NDRG3: variants seen among roughly 807,000 people sequenced by gnomAD.
NDRG3 encodes NDRG family member 3.
Under a neutral mutation model 57.2 loss-of-function variants are expected in NDRG3, and 23 were observed. That is an observed-to-expected ratio of 0.40 (90% CI 0.29 to 0.57). The LOEUF (loss-of-function observed/expected upper bound fraction) is 0.57. Among genes scored for constraint, NDRG3 ranks in the 20% least tolerant of loss-of-function variants. The probability of loss-of-function intolerance (pLI) is 0.42; values close to 1 mark genes in which losing one functional copy is unlikely to be tolerated. For missense variants in NDRG3, 384 were observed against 457.3 expected, an observed-to-expected ratio of 0.84 and a Z score of 1.46; for synonymous variants, 132 against 162.6, an observed-to-expected ratio of 0.81 and a Z score of 1.43.
chr20:36,705,902 G>A (rs975892443), intron 3 of NDRG3, among the ~76,000 whole-genome samples: 2 of 151,948 alleles, frequency 1.3e-5, no homozygotes, highest in African/African-American at 2.4e-5. Context: ...GCACCATCAC[G>A]TCCAGCTAAT....
In NDRG3 at chr20:36,684,483, C is replaced by T. The variant is rs1981606923; in HGVS notation, c.321-8G>A. The T allele has an allele frequency of 6.2e-7, 1 of 1,611,768 alleles. No individual in the cohort carries two copies. Among genetic ancestry groups the T allele is most frequent in the Non-Finnish European group, 8.5e-7 (1 of 1,177,948 alleles). On this transcript the variant is annotated splice_polypyrimidine_tract_variant and splice_region_variant and intron_variant, in intron 5 of 15. Transcript: ENST00000349004. ...ATTGTGGGGTACTGATACCTGCAAT[C>T]CAGAAGGATATCTCCTGAATTAGAA...
chr20:36,703,772 G>A (rs1022415139), intron 3 of NDRG3, among the ~76,000 whole-genome samples: 14 of 152,058 alleles, frequency 9.2e-5, no homozygotes, highest in African/African-American at 3.4e-4. Flanking sequence ...TATCAGAACA[G>A]AACTAAAAGT....
chr20:36,685,129 C>T (rs1342800875), intron 5 of NDRG3, among the ~76,000 whole-genome samples: 1 of 152,026 alleles, frequency 6.6e-6, no homozygotes, highest in African/African-American at 2.4e-5. Context: ...AAACCTCCGG[C>T]AGTAAGAGTC....
At chr20:36,695,284 T>C (rs1309721089) in intron 3 of NDRG3, among the ~76,000 whole-genome samples, 1 of 152,198 alleles carries the variant, frequency 6.6e-6, no homozygotes, top group African/African-American at 2.4e-5. Context: ...AAATTGTTCG[T>C]AGAGCATGTG....
intron 1 of NDRG3, among the ~76,000 whole-genome samples, chr20:36,732,111 A>G (rs2148217639): frequency 6.6e-6 from 1 of 152,266 alleles, no homozygotes; most frequent in East Asian, 1.9e-4. Flanking sequence ...ACAGAGTGAG[A>G]CCCTGTCTCA....
intron 2 of NDRG3, among the ~76,000 whole-genome samples, chr20:36,711,641 T>A (rs1983886696): frequency 6.6e-6 from 1 of 152,150 alleles, no homozygotes; most frequent in Non-Finnish European, 1.5e-5. Context: ...AGAAAGCCAA[T>A]GCCCTCAAGA....
At chr20:36,714,859 T>C (rs1426990149) in intron 2 of NDRG3, among the ~76,000 whole-genome samples, 5 of 151,200 alleles carry the variant, frequency 3.3e-5, no homozygotes, top group African/African-American at 1.2e-4. Flanking sequence ...GTGATCCGCC[T>C]GCCTTGGCTT....
At chr20:36,678,895 G>A (rs922279675) in intron 8 of NDRG3, among the ~76,000 whole-genome samples, 6 of 152,152 alleles carry the variant, frequency 3.9e-5, no homozygotes, top group African/African-American at 7.2e-5. Context: ...AAACTTTCAC[G>A]CACTGCTGTT....
Position 36,682,586 on chromosome 20 carries a change from T to C in NDRG3, c.384-8A>G, listed in dbSNP as rs768661835. ...CCAATGATGCTTTTCAGGCTGTGAATGGGACATAACGACAACTGACAGAGT... is the reference window on the plus strand; with the variant it reads ...CCAATGATGCTTTTCAGGCTGTGAACGGGACATAACGACAACTGACAGAGT... On this transcript the variant is annotated splice_region_variant and splice_polypyrimidine_tract_variant and intron_variant, in intron 6 of 15. Transcript: ENST00000349004. The C allele has an allele frequency of 6.2e-7, 1 of 1,613,464 alleles. No individual in the cohort carries two copies. The highest frequency in any genetic ancestry group is 1.1e-5 in the South Asian group (1 of 91,024).
intron 3 of NDRG3, among the ~76,000 whole-genome samples, chr20:36,701,118 C>G (rs1433691008): frequency 6.6e-6 from 1 of 152,188 alleles, no homozygotes; most frequent in East Asian, 1.9e-4. Context: ...AGGCTATGCA[C>G]TTCTTGAACA....
At chr20:36,708,588 C>T (rs914332307) in intron 2 of NDRG3, among the ~76,000 whole-genome samples, 2 of 137,026 alleles carry the variant, frequency 1.5e-5, no homozygotes, top group Non-Finnish European at 3.0e-5. Context: ...GCAGAGGTTG[C>T]GGTGAGCCGA....
At chr20:36,681,006 TC>T in intron 7 of NDRG3, 104 bp from the exon 8 acceptor site, 1 of 854,530 alleles carries the variant, frequency 1.2e-6, no homozygotes, top group South Asian at 1.6e-5. Flanking sequence ...CCTTAATGCC[TC>T]ACATTTGAAA....
intron 1 of NDRG3, among the ~76,000 whole-genome samples, chr20:36,731,247 G>C (rs918745168): frequency 6.6e-6 from 1 of 152,036 alleles, no homozygotes; most frequent in African/African-American, 2.4e-5. Context: ...TGATGGAAAA[G>C]AAAGAACCAG....
At chr20:36,685,651 C>G (rs978660231) in intron 5 of NDRG3, among the ~76,000 whole-genome samples, 1 of 152,108 alleles carries the variant, frequency 6.6e-6, no homozygotes, top group Non-Finnish European at 1.5e-5. Context: ...ATAATATGAA[C>G]CATCTGATCC....
chr20:36,691,418 T>C (rs1270784656), intron 3 of NDRG3, among the ~76,000 whole-genome samples: 2 of 152,138 alleles, frequency 1.3e-5, no homozygotes, highest in Admixed American at 6.5e-5. Context: ...AAACTGGCTA[T>C]GAAATAAAGT....
chr20:36,732,219 G>C (rs887589022), intron 1 of NDRG3, among the ~76,000 whole-genome samples: 1 of 152,198 alleles, frequency 6.6e-6, no homozygotes, highest in Non-Finnish European at 1.5e-5. Flanking sequence ...CACACACTGG[G>C]AGGGGCTTTA....
intron 2 of NDRG3, among the ~76,000 whole-genome samples, chr20:36,715,626 T>C (rs1984230207): frequency 6.9e-6 from 1 of 145,860 alleles, no homozygotes; most frequent in East Asian, 2.1e-4. Flanking sequence ...GAGATCAGCG[T>C]GGGCAACAAA....
intron 12 of NDRG3, among the ~76,000 whole-genome samples, chr20:36,663,875 A>G (rs1979405272): frequency 6.6e-6 from 1 of 152,102 alleles, no homozygotes; most frequent in South Asian, 2.1e-4. Context: ...CAGTGGCGCA[A>G]TCTTGGCTCA....
chr20:36,677,964 T>C (rs1166794315), intron 8 of NDRG3, among the ~76,000 whole-genome samples: 3 of 152,180 alleles, frequency 2.0e-5, no homozygotes, highest in Non-Finnish European at 2.9e-5. Context: ...AAATGTCCTC[T>C]CCCAACAGAA....
Sources: gnomAD v4.1 joint callset for allele counts (sites outside exome capture counted in the v4.1 genomes callset) on GRCh38, gnomAD v4.1.1 for gene constraint, MANE v1.5 for transcripts, NCBI Gene and HGNC (gene_info 2026-07-23, HGNC 2026-07-21) for gene names.